Variants in RELN observed in about 807,000 individuals in gnomAD.
The protein encoded by RELN is reelin.
In RELN, 108 loss-of-function variants were observed where a neutral mutation model predicts 427.6. That is an observed-to-expected ratio of 0.25 (90% CI 0.22 to 0.30). The LOEUF (loss-of-function observed/expected upper bound fraction) is 0.30. RELN is among the 10% of genes least tolerant of loss of function. The probability of loss-of-function intolerance (pLI) is 1.00; values close to 1 mark genes in which losing one functional copy is unlikely to be tolerated. For synonymous variants in RELN, 1,524 were observed against 1,513.4 expected, an observed-to-expected ratio of 1.01 and a Z score of -0.16; for missense variants, 3,715 against 4,302.8, an observed-to-expected ratio of 0.86 and a Z score of 3.82.
At chr7:103,942,913 G>A (rs200819480) in intron 1 of RELN, among the ~76,000 whole-genome samples, 2 of 148,066 alleles carry the variant, frequency 1.4e-5, no homozygotes, top group Non-Finnish European at 1.5e-5. Flanking sequence ...CTCCATCTCA[G>A]AAAAAAAAAA....
In RELN at chr7:103,519,507, G is replaced by T. The variant is rs1829651533; in HGVS notation, c.7678C>A (p.Arg2560=). 1.2e-6 allele frequency: 2 copies of T among 1,607,394 alleles called. No individual in the cohort carries two copies. The highest frequency in any genetic ancestry group is 1.7e-6 in the Non-Finnish European group (2 of 1,174,340). Residue 2560 remains arginine, a synonymous_variant, in exon 49 of 65, where the codon CGA becomes AGA. Transcript: ENST00000428762. The stretch of plus-strand genomic sequence containing the variant: ...TTTAGATCCACAGTGACTAATAATC[G>T]ACTACAACCCTAAGAAAAAGAAGTA... ...MALHFSGGCS[R]LLVTVDLNLT... is the part of the protein sequence containing the mutation.
Position 103,545,636 on chromosome 7 carries a change from C to T in RELN, c.6303-292G>A, listed in dbSNP as rs187077136. ...CTTGGTGAAGACTTCTCCATCCTTA[C>T]TATTTTGTTTTATTTTTTTTTTTGA... On this transcript the variant is annotated intron_variant, in intron 41 of 64. Coordinates refer to ENST00000428762, the MANE Select transcript of RELN (RefSeq NM_005045.4). Among the ~76,000 whole-genome samples, 1,746 of 151,544 alleles carry T rather than the reference C, an allele frequency of 0.012. 31 individuals carry two copies. The highest frequency in any genetic ancestry group is 0.04 in the African/African-American group (1,649 of 41,354).
In RELN at chr7:103,682,274, A is replaced by C. The variant is rs778797918; in HGVS notation, c.1144-13T>G. On this transcript the variant is annotated splice_polypyrimidine_tract_variant and intron_variant, in intron 10 of 64. Coordinates refer to ENST00000428762, the MANE Select transcript of RELN (RefSeq NM_005045.4). ...ACTGACAGCTATGCTGTAGGTGAAAAGAGAGCACGGGGTGGCTGTTGAATT... is the reference window on the plus strand; with the variant it reads ...ACTGACAGCTATGCTGTAGGTGAAACGAGAGCACGGGGTGGCTGTTGAATT... The C allele has an allele frequency of 2.5e-6, 4 of 1,613,920 alleles. No individual in the cohort carries two copies. Among genetic ancestry groups the C allele is most frequent in the Non-Finnish European group, 3.4e-6 (4 of 1,179,852 alleles).
chr7:103,591,345 T>C (rs956872337), intron 27 of RELN, among the ~76,000 whole-genome samples: 2 of 152,214 alleles, frequency 1.3e-5, no homozygotes, highest in African/African-American at 2.4e-5. Context: ...GGACTAATAA[T>C]ATTGAGCCAT....
chr7:103,961,279 T>C (rs1405319821), intron 1 of RELN, among the ~76,000 whole-genome samples: 3 of 152,206 alleles, frequency 2.0e-5, no homozygotes, highest in Non-Finnish European at 4.4e-5. Context: ...AAAGAATTCA[T>C]GACTGAACAT....
chr7:103,662,625 CAAAAAA>C (rs747230376), intron 11 of RELN, among the ~76,000 whole-genome samples: 1 of 77,348 alleles, frequency 1.3e-5, no homozygotes, highest in Non-Finnish European at 2.5e-5. Flanking sequence ...GACTCCGTCA[CAAAAAA>C]AAAAAAAAAA....
chr7:103,866,794 A>C (rs552381892), intron 2 of RELN, among the ~76,000 whole-genome samples: 1 of 152,182 alleles, frequency 6.6e-6, no homozygotes, highest in South Asian at 2.1e-4. Flanking sequence ...TATAGGTAGA[A>C]GTTCTAATAT....
intron 12 of RELN, among the ~76,000 whole-genome samples, chr7:103,655,259 T>A (rs1353194868): frequency 6.6e-6 from 1 of 152,088 alleles, no homozygotes; most frequent in Non-Finnish European, 1.5e-5. Context: ...ACTATGGGCA[T>A]GTATATGTAT....
intron 16 of RELN, among the ~76,000 whole-genome samples, chr7:103,641,019 A>G (rs917794448): frequency 5.9e-5 from 9 of 152,172 alleles, no homozygotes; most frequent in Non-Finnish European, 1.0e-4. Context: ...ATCAGGGGAA[A>G]ATCTATAACA....
chr7:103,819,342 A>C (rs934167216), intron 3 of RELN, among the ~76,000 whole-genome samples: 1 of 152,150 alleles, frequency 6.6e-6, no homozygotes, highest in Non-Finnish European at 1.5e-5. Flanking sequence ...CCAAAAAAAA[A>C]TTAACTCAAT....
rs1372999337 is a variant in RELN at position 103,909,803 on chromosome 7, A to T, written c.337+7272T>A. Among the ~76,000 whole-genome samples, 38 of 64,052 alleles carry T rather than the reference A, an allele frequency of 5.9e-4. 1 individual carries two copies. In the South Asian group the frequency reaches 0.017, roughly 29 times the overall value. 42.0% of individuals were successfully genotyped at this position (64,052 alleles called of 152,430 possible). ...TAAATATATATATTAAATATATATT[A>T]ATATATAATATTATATATAAAATAT... On this transcript the variant is annotated intron_variant, in intron 2 of 64. Transcript: ENST00000428762.
chr7:103,711,816 C>T (rs1028933742), intron 8 of RELN, among the ~76,000 whole-genome samples: 6 of 152,028 alleles, frequency 3.9e-5, no homozygotes, highest in Non-Finnish European at 7.4e-5. Flanking sequence ...GCCACCAAAC[C>T]TGGCTAATTT....
chr7:103,800,965 A>G (rs143633462), intron 3 of RELN, among the ~76,000 whole-genome samples: 1 of 152,104 alleles, frequency 6.6e-6, no homozygotes, highest in Non-Finnish European at 1.5e-5. Flanking sequence ...ATGCAGCCAA[A>G]AGACACATGA....
intron 36 of RELN, among the ~76,000 whole-genome samples, chr7:103,559,411 T>C (rs952739992): frequency 4.6e-5 from 7 of 152,354 alleles, no homozygotes; most frequent in Admixed American, 3.3e-4. Context: ...TCAGGACAGG[T>C]TGCCATGTAA....
At chr7:103,862,787 T>C (rs969583340) in intron 2 of RELN, among the ~76,000 whole-genome samples, 1 of 152,144 alleles carries the variant, frequency 6.6e-6, no homozygotes, top group African/African-American at 2.4e-5. Context: ...CAGGACACTG[T>C]CTTCCAGCAG....
At position 103,540,261 on chromosome 7, in the gene RELN, G is replaced by A. The variant is rs532739475; in HGVS notation, c.6866C>T (p.Thr2289Ile). 5.6e-5 allele frequency: 91 copies of A among 1,614,200 alleles called. 2 individuals are homozygous for A. In the South Asian group the frequency reaches 9.8e-4, roughly 17 times the overall value. ...EIPLKARSGS[T>I]RLRWWQPSEN... ...AGACGGTTGCCACCAGCGAAGGCGA[G>A]TAGAACCAGAACGGGCTTTCAAGGG... The change falls in exon 44 of 65, where the codon ACT becomes ATT. Residue 2289 changes from threonine to isoleucine, a missense_variant. Around this residue, in one of 4 missense-constraint regions of RELN, gnomAD observed 1,310 missense variants for 1,643.0 expected, o/e 0.80. Transcript: ENST00000428762.
intron 3 of RELN, among the ~76,000 whole-genome samples, chr7:103,778,017 G>T (rs1791789616): frequency 6.6e-6 from 1 of 152,070 alleles, no homozygotes; most frequent in Non-Finnish European, 1.5e-5. Flanking sequence ...AGCTTATAAG[G>T]GGCGTCAGCC....
rs143146655 is a variant in RELN, at chr7:103,728,483, C to T, written c.657-276G>A. ...CACCTGTAAAACGAGGCTAACCATACTGATCTAAATCTCACATAGTTATTG... is the reference window on the plus strand; with the variant it reads ...CACCTGTAAAACGAGGCTAACCATATTGATCTAAATCTCACATAGTTATTG... On this transcript the variant is annotated intron_variant, in intron 6 of 64. Coordinates refer to ENST00000428762, the MANE Select transcript of RELN (RefSeq NM_005045.4). Among the ~76,000 whole-genome samples, 10 of 152,234 alleles carry T rather than the reference C, an allele frequency of 6.6e-5. No homozygotes were observed. In the East Asian group the frequency reaches 1.7e-3, roughly 26 times the overall value.
intron 1 of RELN, among the ~76,000 whole-genome samples, chr7:103,926,384 G>A (rs1035210048): frequency 4.6e-5 from 7 of 151,924 alleles, no homozygotes; most frequent in African/African-American, 7.3e-5. Context: ...GTGAGCCACT[G>A]CACCTGGCCA....
Sources: gnomAD v4.1 joint callset for allele counts (sites outside exome capture counted in the v4.1 genomes callset) on GRCh38, gnomAD v4.1.1 for gene constraint, gnomAD v4.1.1 regional missense constraint, MANE v1.5 for transcripts, NCBI Gene and HGNC (gene_info 2026-07-23, HGNC 2026-07-21) for gene names.